Variants in PITPNM2 observed in about 807,000 individuals in gnomAD.
The protein encoded by PITPNM2 is phosphatidylinositol transfer protein membrane associated 2, also known as membrane-associated phosphatidylinositol transfer protein 2.
PITPNM2 carries 35 observed loss-of-function variants against 132.2 expected under a neutral mutation model. That is an observed-to-expected ratio of 0.26 (90% CI 0.20 to 0.35). The LOEUF (loss-of-function observed/expected upper bound fraction) is 0.35. Ranked by LOEUF, PITPNM2 falls within the 10% of genes least tolerant of loss-of-function variation. PITPNM2 has a pLI of 1.00. For missense variants in PITPNM2, 1,332 were observed against 1,912.0 expected, an observed-to-expected ratio of 0.70 and a Z score of 5.66; for synonymous variants, 738 against 799.2, an observed-to-expected ratio of 0.92 and a Z score of 1.29.
chr12:122,997,483 G>A lies in PITPNM2; in HGVS notation c.1314C>T (p.Gly438=), dbSNP rs139851645. The A allele has an allele frequency of 1.3e-4, 212 of 1,613,404 alleles. No individual in the cohort carries two copies. Among genetic ancestry groups the A allele is most frequent in the Non-Finnish European group, 1.7e-4 (201 of 1,180,024 alleles). The part of the protein sequence containing the change: ...VLHGGTILDT[G]AGDPSSKKGD... ...CCTTCTTGGAGCTGGGGTCCCCGGC[G>A]CCTGTGTCCAGGATGGTGCCTCCGT... Residue 438 remains glycine, a synonymous_variant, in exon 11 of 26, where the codon GGC becomes GGT. Coordinates refer to ENST00000320201, the MANE Select transcript of PITPNM2 (RefSeq NM_020845.3).
In PITPNM2 at chr12:123,000,768, G is replaced by A. The variant is rs752593744; in HGVS notation, c.1224+10C>T. 21 of 1,613,528 alleles carry A rather than the reference G, an allele frequency of 1.3e-5. No homozygotes were observed. The East Asian group carries it at 1.6e-4, about 12-fold the overall frequency. On this transcript the variant is annotated intron_variant, in intron 10 of 25. Coordinates refer to ENST00000320201, the MANE Select transcript of PITPNM2 (RefSeq NM_020845.3). This position sits in a 1 kb window ranked among gnomAD's most constrained non-coding sequence, Gnocchi z 5.4. The stretch of plus-strand genomic sequence containing the variant: ...CCATGCCCCTGTCCCTCTGACACCC[G>A]GGCACCCACCTCTATGATGTTCAGC...
chr12:123,137,948 G>C (rs137989642), intron 1 of PITPNM2, among the ~76,000 whole-genome samples: 1,783 of 151,688 alleles, frequency 0.012, 15 homozygotes, highest in Non-Finnish European at 0.019. Flanking sequence ...AGATGCAACT[G>C]TCAGTGGTCA....
intron 2 of PITPNM2, among the ~76,000 whole-genome samples, chr12:123,101,794 A>C (rs968652953): frequency 6.6e-6 from 1 of 152,180 alleles, no homozygotes; most frequent in African/African-American, 2.4e-5. Flanking sequence ...ATGGTGGCTC[A>C]TGCCTGTAAT....
intron 2 of PITPNM2, among the ~76,000 whole-genome samples, chr12:123,102,370 G>A (rs757363478): frequency 9.9e-5 from 15 of 152,232 alleles, no homozygotes; most frequent in Non-Finnish European, 1.9e-4. Context: ...AGAGCAAAGG[G>A]CAGTTGAGAA....
rs544835095 is a variant in PITPNM2 at position 123,095,018 on chromosome 12, T to C, written c.-96+15367A>G. On this transcript the variant is annotated intron_variant, in intron 2 of 25. Coordinates refer to ENST00000320201, the MANE Select transcript of PITPNM2 (RefSeq NM_020845.3). The surrounding 1 kb of genome is among the most constrained non-coding windows in gnomAD (Gnocchi z 5.0). ...CGCACTGAAGCAAGCATGTTTATCCTTCCCTCATACAACACTTTTTCTTTG... is the reference window on the plus strand; with the variant it reads ...CGCACTGAAGCAAGCATGTTTATCCCTCCCTCATACAACACTTTTTCTTTG... Among the ~76,000 whole-genome samples, 1 of 152,368 alleles carries C rather than the reference T, an allele frequency of 6.6e-6. No individual in the cohort carries two copies. The highest frequency in any genetic ancestry group is 1.9e-4 in the East Asian group (1 of 5,184).
intron 6 of PITPNM2, among the ~76,000 whole-genome samples, chr12:123,006,531 C>T (rs2038940091): frequency 1.3e-5 from 2 of 149,766 alleles, no homozygotes; most frequent in Admixed American, 6.6e-5. Context: ...GGAGATCCCC[C>T]ATCTCTACCA....
chr12:123,052,598 G>C (rs1000639264), intron 2 of PITPNM2, among the ~76,000 whole-genome samples: 2 of 152,054 alleles, frequency 1.3e-5, no homozygotes, highest in African/African-American at 4.8e-5. Context: ...CAGCTACAGC[G>C]ACAGAGCAAG....
intron 2 of PITPNM2, among the ~76,000 whole-genome samples, chr12:123,041,243 GT>G (rs1032430023): frequency 6.6e-6 from 1 of 152,214 alleles, no homozygotes; most frequent in African/African-American, 2.4e-5. Context: ...TCCAACCAGT[GT>G]TCAACTAGCA....
intron 2 of PITPNM2, among the ~76,000 whole-genome samples, chr12:123,065,539 G>A (rs2041383764): frequency 6.6e-6 from 1 of 152,218 alleles, no homozygotes; most frequent in African/African-American, 2.4e-5. Context: ...GACACACCTT[G>A]TCCCAGCAGA....
intron 3 of PITPNM2, among the ~76,000 whole-genome samples, chr12:123,024,009 C>T (rs577146171): frequency 7.2e-5 from 11 of 152,276 alleles, no homozygotes; most frequent in African/African-American, 2.6e-4. Flanking sequence ...GACCTAGCTA[C>T]TCCAGAGGTG....
intron 2 of PITPNM2, among the ~76,000 whole-genome samples, chr12:123,067,553 C>T (rs1446271432): frequency 6.6e-6 from 1 of 151,902 alleles, no homozygotes; most frequent in African/African-American, 2.4e-5. Context: ...CATGTGAAGG[C>T]AGAGGCAGAG....
chr12:123,079,685 T>C (rs2041900458), intron 2 of PITPNM2, among the ~76,000 whole-genome samples: 1 of 152,224 alleles, frequency 6.6e-6, no homozygotes, highest in East Asian at 1.9e-4. Context: ...TTCAAGCATA[T>C]GGCAAAGTTG....
At chr12:123,101,924 GTGCGTCTGTGACA>G (rs1309823359) in intron 2 of PITPNM2, among the ~76,000 whole-genome samples, 5 of 152,244 alleles carry the variant, frequency 3.3e-5, no homozygotes, top group Admixed American at 2.0e-4. Context: ...TGGGTGTGGT[GTGCGTCTGTGACA>G]TGCAAGTTCG....
At chr12:123,086,284 TG>T (rs1487866949) in intron 2 of PITPNM2, among the ~76,000 whole-genome samples, 1 of 152,184 alleles carries the variant, frequency 6.6e-6, no homozygotes, top group Non-Finnish European at 1.5e-5. Flanking sequence ...TTTACCAGCT[TG>T]GGGGCCTTGG....
chr12:123,115,555 A>G (rs1438696424), intron 1 of PITPNM2, among the ~76,000 whole-genome samples: 4 of 151,986 alleles, frequency 2.6e-5, no homozygotes, highest in East Asian at 3.9e-4. Context: ...ACACACACGC[A>G]CACACACACA....
chr12:122,990,255 T>G (rs1376474748), intron 17 of PITPNM2, among the ~76,000 whole-genome samples: 1 of 152,258 alleles, frequency 6.6e-6, no homozygotes, highest in African/African-American at 2.4e-5. Flanking sequence ...GAGCTAAGCA[T>G]GAGGAAGGCG....
intron 3 of PITPNM2, among the ~76,000 whole-genome samples, chr12:123,025,857 T>C (rs889559874): frequency 6.6e-6 from 1 of 152,234 alleles, no homozygotes; most frequent in Non-Finnish European, 1.5e-5. Flanking sequence ...CTCCTTTAGT[T>C]ACTGCAACAT....
intron 2 of PITPNM2, among the ~76,000 whole-genome samples, chr12:123,066,903 G>A (rs550366321): frequency 2.6e-5 from 4 of 152,194 alleles, no homozygotes; most frequent in South Asian, 4.2e-4. Context: ...TGTTTCCTGG[G>A]ACCCGCTGCC....
intron 3 of PITPNM2, among the ~76,000 whole-genome samples, chr12:123,025,013 T>TG (rs1405091605): frequency 6.6e-6 from 1 of 152,196 alleles, no homozygotes; most frequent in Non-Finnish European, 1.5e-5. Flanking sequence ...TCGCTGGCAC[T>TG]GTGAGAGAGA....
Sources: allele counts gnomAD v4.1 joint callset (sites outside exome capture counted in the v4.1 genomes callset), GRCh38; gene constraint gnomAD v4.1.1; non-coding constraint Gnocchi (gnomAD v3.1); transcripts MANE v1.5; gene names NCBI Gene and HGNC (gene_info 2026-07-23, HGNC 2026-07-21).